NRG1: variants seen among roughly 807,000 people sequenced by gnomAD.
NRG1 encodes the protein pro-neuregulin-1, membrane-bound isoform.
NRG1 carries 18 observed loss-of-function variants against 63.8 expected under a neutral mutation model. That is an observed-to-expected ratio of 0.28 (90% CI 0.19 to 0.42). The LOEUF is 0.42. NRG1 is among the 10% of genes least tolerant of loss of function. The pLI, the probability that NRG1 is intolerant of heterozygous loss-of-function variation, is 1.00. For synonymous variants in NRG1, 302 were observed against 301.3 expected, an observed-to-expected ratio of 1.00 and a Z score of -0.02; for missense variants, 762 against 814.7, an observed-to-expected ratio of 0.94 and a Z score of 0.79.
chr8:32,678,466 A>G (rs544128929), intron 5 of NRG1, among the ~76,000 whole-genome samples: 2 of 152,212 alleles, frequency 1.3e-5, no homozygotes, highest in Non-Finnish European at 2.9e-5. Flanking sequence ...TCAAAAAAAT[A>G]TTACACTTGT....
chr8:32,603,768 C>A (rs780640239), intron 2 of NRG1, among the ~76,000 whole-genome samples: 14 of 152,184 alleles, frequency 9.2e-5, no homozygotes, highest in African/African-American at 3.4e-4. Context: ...AGCCACTGCT[C>A]CCAGCCGTGA....
chr8:32,178,753 G>A (rs1358526336), intron 1 of NRG1, among the ~76,000 whole-genome samples: 1 of 152,124 alleles, frequency 6.6e-6, no homozygotes, highest in Non-Finnish European at 1.5e-5. Context: ...TAAGAGTGGA[G>A]AGGAATATAC....
downstream of NRG1, among the ~76,000 whole-genome samples, chr8:32,771,537 A>G (rs1243359465): frequency 2.0e-5 from 3 of 150,154 alleles, no homozygotes; most frequent in African/African-American, 7.3e-5. Flanking sequence ...TTTATTATTA[A>G]TATAATTTTA....
At chr8:32,182,113 C>A (rs1841492375) in intron 1 of NRG1, among the ~76,000 whole-genome samples, 1 of 152,042 alleles carries the variant, frequency 6.6e-6, no homozygotes, top group African/African-American at 2.4e-5. Context: ...GAGGTTTCAG[C>A]CATTATGAAA....
chr8:32,545,730 A>G (rs1455635859), upstream of NRG1, among the ~76,000 whole-genome samples: 1 of 152,194 alleles, frequency 6.6e-6, no homozygotes. Context: ...ACATTAAATA[A>G]CATAAAGACC....
chr8:31,762,361 C>T (rs187440904), intron 1 of NRG1, among the ~76,000 whole-genome samples: 1 of 152,314 alleles, frequency 6.6e-6, no homozygotes, highest in Admixed American at 6.5e-5. Context: ...CATGTACCTG[C>T]AGAAGACATT....
In NRG1 at chr8:32,536,922, CAAA is replaced by C. The variant is rs35265022; in HGVS notation, c.38-58881_38-58879del. ...TGGGCGATGGAGCAAGACTCCGTCT[CAAA>C]AAAAAAAAAAAAAAAAAAAAAAAAT... On this transcript the variant is annotated intron_variant, in intron 1 of 10. Coordinates refer to the NRG1 transcript ENST00000519301. Among the ~76,000 whole-genome samples, 141 of 35,894 alleles carry C rather than the reference CAAA, an allele frequency of 3.9e-3. 1 individual carries two copies. Among genetic ancestry groups the C allele is most frequent in the Admixed American group, 0.016 (27 of 1,696 alleles). 23.5% of individuals were successfully genotyped at this position (35,894 alleles called of 152,430 possible).
chr8:31,921,930 T>G (rs1446270866), intron 1 of NRG1, among the ~76,000 whole-genome samples: 1 of 152,184 alleles, frequency 6.6e-6, no homozygotes, highest in Non-Finnish European at 1.5e-5. Flanking sequence ...TAAAAAATTT[T>G]TTTAATTCTA....
chr8:32,054,859 C>CTTTTT (rs1425879994), intron 1 of NRG1, among the ~76,000 whole-genome samples: 1 of 70,656 alleles, frequency 1.4e-5, no homozygotes, highest in African/African-American at 5.6e-5. Context: ...AGATTTCTTT[C>CTTTTT]TTTCTTTTTT....
intron 1 of NRG1, among the ~76,000 whole-genome samples, chr8:31,924,556 C>A (rs546022950): frequency 6.7e-6 from 1 of 150,064 alleles, no homozygotes; most frequent in East Asian, 1.9e-4. Flanking sequence ...TTCCCAAGGG[C>A]AAATTGCTGG....
intron 1 of NRG1, among the ~76,000 whole-genome samples, chr8:32,084,066 GA>G (rs1827881451): frequency 6.6e-6 from 1 of 152,064 alleles, no homozygotes; most frequent in Non-Finnish European, 1.5e-5. Flanking sequence ...GTACTAGAAA[GA>G]AAAAGACATT....
intron 1 of NRG1, among the ~76,000 whole-genome samples, chr8:31,808,569 C>T (rs1473518290): frequency 6.6e-6 from 1 of 151,802 alleles, no homozygotes; most frequent in African/African-American, 2.4e-5. Context: ...TTGTGCTGTT[C>T]TTCTTCCATC....
At chr8:32,395,661 C>G (rs1420750988) in intron 1 of NRG1, among the ~76,000 whole-genome samples, 1 of 150,398 alleles carries the variant, frequency 6.6e-6, no homozygotes, top group African/African-American at 2.5e-5. Context: ...ATGTAGTTTA[C>G]AAGTGTGTTT....
At chr8:32,657,908 A>T (rs1208419618) in intron 5 of NRG1, among the ~76,000 whole-genome samples, 1 of 152,042 alleles carries the variant, frequency 6.6e-6, no homozygotes, top group African/African-American at 2.4e-5. Context: ...CCATCAAGCA[A>T]CTCCTATGAT....
At chr8:31,865,814 T>A (rs1828907159) in intron 1 of NRG1, among the ~76,000 whole-genome samples, 1 of 152,160 alleles carries the variant, frequency 6.6e-6, no homozygotes. Flanking sequence ...TAATACACCA[T>A]CTGTAAGAAA....
At chr8:32,236,466 G>C (rs1399258258) in intron 1 of NRG1, among the ~76,000 whole-genome samples, 1 of 152,092 alleles carries the variant, frequency 6.6e-6, no homozygotes, top group Non-Finnish European at 1.5e-5. Context: ...ATGAGTAGTA[G>C]TATTACCCTT....
chr8:32,720,727 A>G (rs1437690254), intron 5 of NRG1, among the ~76,000 whole-genome samples: 1 of 152,178 alleles, frequency 6.6e-6, no homozygotes, highest in Non-Finnish European at 1.5e-5. Context: ...TGGTATTCGT[A>G]TCATTGAGAT....
At chr8:32,711,434 C>A (rs1817785807) in intron 5 of NRG1, among the ~76,000 whole-genome samples, 1 of 151,966 alleles carries the variant, frequency 6.6e-6, no homozygotes, top group Non-Finnish European at 1.5e-5. Flanking sequence ...AAAAAGGGAA[C>A]CAGGAAGAAG....
intron 1 of NRG1, among the ~76,000 whole-genome samples, chr8:32,156,469 T>A (rs1408771337): frequency 6.6e-6 from 1 of 152,260 alleles, no homozygotes; most frequent in Non-Finnish European, 1.5e-5. Flanking sequence ...TGATACTATG[T>A]CTATTTTTAT....
Sources: allele counts gnomAD v4.1 joint callset (sites outside exome capture counted in the v4.1 genomes callset), GRCh38; gene constraint gnomAD v4.1.1; transcripts MANE v1.5; gene names NCBI Gene and HGNC (gene_info 2026-07-23, HGNC 2026-07-21).